ENTREP2: variants seen among roughly 807,000 people sequenced by gnomAD.
The protein encoded by ENTREP2 is protein ENTREP2.
At chr15:29,409,320 C>A in the ENTREP2 span, among the ~76,000 whole-genome samples, 1 of 151,890 alleles carries the variant, frequency 6.6e-6, no homozygotes, top group South Asian at 2.1e-4. Flanking sequence ...TACTCAGTAT[C>A]TTTTTTCCTT....
At chr15:29,635,504 GGGACACAGA>G in the ENTREP2 span, among the ~76,000 whole-genome samples, 1 of 152,146 alleles carries the variant, frequency 6.6e-6, no homozygotes, top group Non-Finnish European at 1.5e-5. Flanking sequence ...CATGGGACAG[GGGACACAGA>G]GGACACAGAG....
At chr15:29,147,854 A>G in the ENTREP2 span, among the ~76,000 whole-genome samples, 1 of 152,250 alleles carries the variant, frequency 6.6e-6, no homozygotes. Flanking sequence ...GATGTTCATA[A>G]CAGCATTATT....
chr15:29,177,743 G>A, the ENTREP2 span, among the ~76,000 whole-genome samples: 17 of 152,252 alleles, frequency 1.1e-4, no homozygotes, highest in East Asian at 7.8e-4. Context: ...ACATCCAGGC[G>A]GCACCGGGCA....
chr15:29,568,665 C>A, the ENTREP2 span, among the ~76,000 whole-genome samples: 4 of 146,872 alleles, frequency 2.7e-5, no homozygotes, highest in Non-Finnish European at 5.9e-5. Flanking sequence ...GATAGTGTCA[C>A]TGCACTCCAG....
At chr15:29,121,115 C>G in the ENTREP2 span, 1 of 152,306 alleles carries the variant, frequency 6.6e-6, no homozygotes, top group South Asian at 2.1e-4. Context: ...ATCCACAAAA[C>G]AGAGCTGCCA....
the ENTREP2 span, among the ~76,000 whole-genome samples, chr15:29,405,904 T>C: frequency 6.6e-6 from 1 of 152,236 alleles, no homozygotes. Flanking sequence ...CTTTTCCCCT[T>C]TATTTTATAA....
chr15:29,119,874 C>T, the ENTREP2 span, among the ~76,000 whole-genome samples: 1 of 152,130 alleles, frequency 6.6e-6, no homozygotes, highest in Non-Finnish European at 1.5e-5. Context: ...GAAGCAGGTC[C>T]CGGGGAGAGA....
At chr15:29,478,368 T>A in the ENTREP2 span, among the ~76,000 whole-genome samples, 1 of 152,140 alleles carries the variant, frequency 6.6e-6, no homozygotes, top group Non-Finnish European at 1.5e-5. Flanking sequence ...AAAAATATTA[T>A]CCTTTCAATG....
the ENTREP2 span, among the ~76,000 whole-genome samples, chr15:29,479,775 C>T: frequency 6.6e-6 from 1 of 151,986 alleles, no homozygotes; most frequent in Non-Finnish European, 1.5e-5. Context: ...GAGAGATCTG[C>T]CAGGAATCTT....
chr15:29,628,648 T>C, the ENTREP2 span, among the ~76,000 whole-genome samples: 3 of 152,228 alleles, frequency 2.0e-5, no homozygotes, highest in African/African-American at 4.8e-5. Flanking sequence ...AATCGTCTAG[T>C]TCTTTTTTCA....
the ENTREP2 span, among the ~76,000 whole-genome samples, chr15:29,404,848 C>G: frequency 6.6e-6 from 1 of 152,164 alleles, no homozygotes; most frequent in Non-Finnish European, 1.5e-5. Flanking sequence ...CCCACTCACC[C>G]AGATGTGCCT....
chr15:29,546,896 AAC>A, the ENTREP2 span, among the ~76,000 whole-genome samples: 4 of 51,450 alleles, frequency 7.8e-5, no homozygotes, highest in African/African-American at 5.1e-4. Flanking sequence ...CAAAAAAAAA[AAC>A]AACAACAAAA....
the ENTREP2 span, among the ~76,000 whole-genome samples, chr15:29,636,844 T>C: frequency 6.6e-6 from 1 of 152,240 alleles, no homozygotes; most frequent in Non-Finnish European, 1.5e-5. Context: ...CTCAAGATGG[T>C]GACAGCAGTA....
the ENTREP2 span, among the ~76,000 whole-genome samples, chr15:29,503,643 C>T: frequency 6.6e-6 from 1 of 152,152 alleles, no homozygotes; most frequent in Non-Finnish European, 1.5e-5. Flanking sequence ...TCATCTTAAT[C>T]AGCCAGCTAT....
At chr15:29,407,737 C>T in the ENTREP2 span, among the ~76,000 whole-genome samples, 8 of 152,110 alleles carry the variant, frequency 5.3e-5, no homozygotes, top group South Asian at 2.1e-4. Context: ...GCTCGATCTC[C>T]GCTCACTGCA....
chr15:29,127,606 AG>A, the ENTREP2 span, among the ~76,000 whole-genome samples: 1 of 152,150 alleles, frequency 6.6e-6, no homozygotes, highest in African/African-American at 2.4e-5. Flanking sequence ...TCCTCTACTC[AG>A]GAGAGTCCTG....
chr15:29,273,003 G>A, the ENTREP2 span, among the ~76,000 whole-genome samples: 1 of 152,086 alleles, frequency 6.6e-6, no homozygotes, highest in Non-Finnish European at 1.5e-5. Flanking sequence ...CAGCAGTGGA[G>A]TCTTTTGAAA....
the ENTREP2 span, among the ~76,000 whole-genome samples, chr15:29,231,890 C>CTTTTTTTT: frequency 1.5e-5 from 2 of 136,860 alleles, no homozygotes; most frequent in East Asian, 2.3e-4. Context: ...CTTTTCTTTT[C>CTTTTTTTT]TTTCTTTTTT....
At chr15:29,389,168 A>G in the ENTREP2 span, among the ~76,000 whole-genome samples, 3 of 151,896 alleles carry the variant, frequency 2.0e-5, no homozygotes, top group Non-Finnish European at 4.4e-5. Flanking sequence ...AAAAAAAAAA[A>G]GAATGCAAGT....
Sources: gnomAD v4.1 joint callset for allele counts (sites outside exome capture counted in the v4.1 genomes callset) on GRCh38, gnomAD v4.1.1 for gene constraint, MANE v1.5 for transcripts, NCBI Gene and HGNC (gene_info 2026-07-23, HGNC 2026-07-21) for gene names.